Variants in OPRK1 observed in about 807,000 individuals in gnomAD.
OPRK1 encodes the protein kappa-type opioid receptor.
A neutral mutation model predicts 24.5 loss-of-function variants in OPRK1; 15 were observed. The observed-to-expected ratio is 0.61, with a 90% CI of 0.41 to 0.94. The LOEUF (loss-of-function observed/expected upper bound fraction) is 0.94, where lower values mean the gene tolerates loss of function less well. Ranked by LOEUF, OPRK1 falls within the 40% of genes least tolerant of loss-of-function variation. The pLI is 0.00. For missense variants in OPRK1, 479 were observed against 507.3 expected (o/e 0.94, Z 0.54); for synonymous variants, 205 against 198.0 (o/e 1.04, Z -0.30).
intron 2 of OPRK1, among the ~76,000 whole-genome samples, chr8:53,249,906 C>G (rs1361891376): frequency 2.0e-5 from 3 of 152,126 alleles, no homozygotes; most frequent in African/African-American, 7.2e-5. Flanking sequence ...TCTAGTGCTC[C>G]CAGAAAAGGA....
At chr8:53,248,751 G>A (rs886285999) in intron 2 of OPRK1, among the ~76,000 whole-genome samples, 1 of 152,198 alleles carries the variant, frequency 6.6e-6, no homozygotes, top group African/African-American at 2.4e-5. Context: ...ACCTTAAAAT[G>A]TATGTGCTCT....
chr8:53,235,734 A>G (rs891521375), intron 2 of OPRK1, among the ~76,000 whole-genome samples: 8 of 152,234 alleles, frequency 5.3e-5, no homozygotes, highest in Non-Finnish European at 1.2e-4. Context: ...AGCACTAAGC[A>G]TAGTATGGTA....
Position 53,250,950 on chromosome 8 carries a change from A to T in OPRK1, c.88T>A (p.Phe30Ile). ...ACLPPNSSAWFPGWAEPDSNG... is the reference protein window; with the variant it reads ...ACLPPNSSAWIPGWAEPDSNG... ...CTGTCGGGCTCGGCCCAGCCGGGAA[A>T]CCAGGCGCTGCTGTTGGGGGGCAGG... Residue 30 changes from phenylalanine (F) to isoleucine (I), a missense_variant, in exon 2 of 4, where the codon TTT (phenylalanine) becomes ATT (isoleucine). Phe to Ile is a conservative substitution (Grantham distance 21, BLOSUM62 0). Coordinates refer to ENST00000265572, the MANE Select transcript of OPRK1 (RefSeq NM_000912.5). 6.2e-7 allele frequency: 1 copy of T among 1,610,086 alleles called. No individual in the cohort carries two copies.
intron 2 of OPRK1, among the ~76,000 whole-genome samples, chr8:53,240,514 G>A (rs545561405): frequency 2.6e-5 from 4 of 152,152 alleles, no homozygotes; most frequent in Non-Finnish European, 5.9e-5. Flanking sequence ...TAAGAGGAGA[G>A]CTCTGCAGCA....
chr8:53,240,896 T>TAATC (rs1429528610), intron 2 of OPRK1, among the ~76,000 whole-genome samples: 31 of 152,230 alleles, frequency 2.0e-4, no homozygotes, highest in African/African-American at 7.5e-4. Flanking sequence ...AATGGCTGTG[T>TAATC]AATCTGTGGT....
Position 53,229,378 on chromosome 8 carries a change from C to T in OPRK1, c.1062G>A (p.Arg354=), listed in dbSNP as rs549424402. The change falls in exon 4 of 4, where the codon CGG becomes CGA. Residue 354 remains arginine, a synonymous_variant. Coordinates refer to ENST00000265572, the MANE Select transcript of OPRK1 (RefSeq NM_000912.5). Reference sequence around the variant, plus strand: ...TATTTCGGACTCTGCTAGTGCTCTGCCGCTCCATCCTCATCTTCAGTGGAA... The same window carrying T: ...TATTTCGGACTCTGCTAGTGCTCTGTCGCTCCATCCTCATCTTCAGTGGAA... ...FCFPLKMRME[R]QSTSRVRNTV... The T allele has an allele frequency of 1.2e-6, 2 of 1,614,192 alleles. No homozygotes were observed. The highest frequency in any genetic ancestry group is 4.5e-5 in the East Asian group (2 of 44,882).
At chr8:53,238,397 A>G in intron 2 of OPRK1, 1 of 294,638 alleles carries the variant, frequency 3.4e-6, no homozygotes, top group Non-Finnish European at 5.0e-6. Context: ...GCAGGAGCAT[A>G]TGGTATGAAA....
intron 2 of OPRK1, among the ~76,000 whole-genome samples, chr8:53,240,768 G>C (rs778998543): frequency 2.0e-5 from 3 of 151,968 alleles, no homozygotes; most frequent in Non-Finnish European, 4.4e-5. Context: ...TTACAGCAGG[G>C]GGCTAGCATC....
In OPRK1 at chr8:53,226,856, C is replaced by A. The variant is rs1806705123; in HGVS notation, c.*2441G>T. 1 of 152,180 alleles carries A rather than the reference C, an allele frequency of 6.6e-6. No homozygotes were observed. Among genetic ancestry groups the A allele is most frequent in the Non-Finnish European group, 1.5e-5 (1 of 68,034 alleles). 9.4% of individuals were successfully genotyped at this position (152,180 alleles called of 1,614,324 possible). ...CTTGGACACCCCTTGTGGGCACATACAGCTACTATTCTCTCCTTGGGCTGC... is the reference window on the plus strand; with the variant it reads ...CTTGGACACCCCTTGTGGGCACATAAAGCTACTATTCTCTCCTTGGGCTGC... On this transcript the variant is annotated 3_prime_UTR_variant, in exon 4 of 4. Coordinates refer to ENST00000265572, the MANE Select transcript of OPRK1 (RefSeq NM_000912.5).
At chr8:53,239,098 G>A (rs1349685307) in intron 2 of OPRK1, among the ~76,000 whole-genome samples, 1 of 152,118 alleles carries the variant, frequency 6.6e-6, no homozygotes, top group African/African-American at 2.4e-5. Context: ...ACTGATTTCA[G>A]TTATTCTGGG....
In OPRK1 at chr8:53,251,062, C is replaced by A. The variant is rs1199262730; in HGVS notation, c.-25G>T. 2.0e-6 allele frequency: 3 copies of A among 1,474,002 alleles called. No individual in the cohort carries two copies. Among genetic ancestry groups the A allele is most frequent in the Non-Finnish European group, 2.7e-6 (3 of 1,119,288 alleles). 91.3% of individuals were successfully genotyped at this position (1,474,002 alleles called of 1,614,324 possible). A position where few individuals can be genotyped will look rare whatever the true frequency, so the allele number is the denominator to read the frequency against. ...TGGTGGGGCGATTGCAGCAGGAAGG[C>A]GAGGACAGGCGGCACCTGCGGCGCT... On this transcript the variant is annotated 5_prime_UTR_variant, in exon 2 of 4. Transcript: ENST00000265572.
At chr8:53,248,906 TC>T (rs1807301669) in intron 2 of OPRK1, among the ~76,000 whole-genome samples, 1 of 152,196 alleles carries the variant, frequency 6.6e-6, no homozygotes, top group Admixed American at 6.5e-5. Flanking sequence ...CTATCCAACT[TC>T]TTTTATATTT....
chr8:53,249,945 A>G (rs1429159361), intron 2 of OPRK1, among the ~76,000 whole-genome samples: 1 of 152,184 alleles, frequency 6.6e-6, no homozygotes, highest in Non-Finnish European at 1.5e-5. Context: ...AAAGTGCAGA[A>G]CAAAGTTAGG....
At chr8:53,250,272 TCAGGTTTTGTTTCATAAGCCAAAACAC>T (rs1420989797) in intron 2 of OPRK1, among the ~76,000 whole-genome samples, 1 of 152,210 alleles carries the variant, frequency 6.6e-6, no homozygotes, top group Non-Finnish European at 1.5e-5. Context: ...AGAGCATATA[TCAGGTTTTGTTTCATAAGCCAAAACAC>T]CAGTCTGAGG....
intron 2 of OPRK1, among the ~76,000 whole-genome samples, chr8:53,240,949 T>C (rs1807099020): frequency 6.6e-6 from 1 of 152,174 alleles, no homozygotes; most frequent in African/African-American, 2.4e-5. Flanking sequence ...TTGTGCATGT[T>C]TAATATATGT....
At position 53,242,186 on chromosome 8, in the gene OPRK1, G is replaced by A. The variant is rs372099765; in HGVS notation, c.258-7075C>T. ...GCCACAGAGCGTGGGCACATGGAGA[G>A]GAGGATGATGGCCCTCTTGCGCTGC... On this transcript the variant is annotated intron_variant, in intron 2 of 3. Transcript: ENST00000265572. 4.6e-5 allele frequency among the ~76,000 whole-genome samples: 7 copies of A among 152,356 alleles called. No homozygotes were observed. In the South Asian group the frequency reaches 1.4e-3, roughly 32 times the overall value.
intron 2 of OPRK1, among the ~76,000 whole-genome samples, chr8:53,239,549 G>A (rs889143935): frequency 2.6e-5 from 4 of 152,162 alleles, no homozygotes; most frequent in African/African-American, 9.7e-5. Flanking sequence ...GCCACAGAGG[G>A]CCCTGAACAC....
chr8:53,241,025 A>C (rs956075837), intron 2 of OPRK1, among the ~76,000 whole-genome samples: 10 of 151,446 alleles, frequency 6.6e-5, no homozygotes, highest in Admixed American at 1.3e-4. Context: ...ACTCTGATGT[A>C]AGGTATGGCC....
chr8:53,233,395 CTG>C (rs1806903417), intron 3 of OPRK1, among the ~76,000 whole-genome samples: 1 of 152,152 alleles, frequency 6.6e-6, no homozygotes, highest in Non-Finnish European at 1.5e-5. Flanking sequence ...GAACCTAAAA[CTG>C]TAAACTGAAA....
Sources: gnomAD v4.1 joint callset for allele counts (sites outside exome capture counted in the v4.1 genomes callset) on GRCh38, gnomAD v4.1.1 for gene constraint, MANE v1.5 for transcripts, NCBI Gene and HGNC (gene_info 2026-07-23, HGNC 2026-07-21) for gene names.